GPC6: variants seen among roughly 807,000 people sequenced by gnomAD.
GPC6 encodes glypican-6.
GPC6 carries 14 observed loss-of-function variants against 55.2 expected under a neutral mutation model. The observed-to-expected ratio is 0.25, with a 90% confidence interval of 0.17 to 0.40. The LOEUF (loss-of-function observed/expected upper bound fraction) is 0.40. Among genes scored for constraint, GPC6 ranks in the 10% least tolerant of loss-of-function variants. The pLI is 1.00. For missense variants in GPC6, 641 were observed against 708.5 expected, an observed-to-expected ratio of 0.90 and a Z score of 1.08; for synonymous variants, 278 against 259.6, an observed-to-expected ratio of 1.07 and a Z score of -0.68.
At chr13:93,581,348 T>C (rs144333862) in intron 2 of GPC6, among the ~76,000 whole-genome samples, 21 of 152,212 alleles carry the variant, frequency 1.4e-4, no homozygotes, top group African/African-American at 5.1e-4. Context: ...AAAACACTTC[T>C]GTAAACTTAG....
chr13:93,661,813 G>A (rs1234356496), intron 2 of GPC6, among the ~76,000 whole-genome samples: 2 of 152,104 alleles, frequency 1.3e-5, no homozygotes, highest in East Asian at 3.9e-4. Flanking sequence ...ACTTTATACA[G>A]GCATATAAGA....
At chr13:93,394,886 CA>C in intron 1 of GPC6, 1 of 155,466 alleles carries the variant, frequency 6.4e-6, no homozygotes, top group Non-Finnish European at 1.4e-5. Flanking sequence ...AGCAAGGGCA[CA>C]AAAAAATCTA....
chr13:93,516,583 G>A (rs1566399836), intron 1 of GPC6, among the ~76,000 whole-genome samples: 3 of 152,094 alleles, frequency 2.0e-5, no homozygotes, highest in East Asian at 3.8e-4. Flanking sequence ...TGTAAGTTAA[G>A]TTTTAATGGG....
intron 1 of GPC6, among the ~76,000 whole-genome samples, chr13:93,283,468 G>A (rs1878014665): frequency 6.6e-6 from 1 of 152,194 alleles, no homozygotes. Context: ...ATGAATATCA[G>A]CATTGCTGCA....
intron 1 of GPC6, among the ~76,000 whole-genome samples, chr13:93,240,966 T>C (rs1876407301): frequency 6.6e-6 from 1 of 152,172 alleles, no homozygotes; most frequent in African/African-American, 2.4e-5. Context: ...AAGATAGGAT[T>C]CCAGTCCCCT....
At position 93,870,018 on chromosome 13, in the gene GPC6, A is replaced by G. The variant is rs139646723; in HGVS notation, c.711+39473A>G. The stretch of plus-strand genomic sequence containing the variant: ...AGCCTTACTTGACTTTAGGCAAGTC[A>G]CTTATATGATGTTTCTCAAGATAAA... On this transcript the variant is annotated intron_variant, in intron 3 of 8. Transcript: ENST00000377047. Among the ~76,000 whole-genome samples the G allele has an allele frequency of 3.9e-4, 59 of 151,996 alleles. 1 individual carries two copies. The highest frequency in any genetic ancestry group is 1.3e-3 in the African/African-American group (55 of 41,542).
intron 1 of GPC6, among the ~76,000 whole-genome samples, chr13:93,321,058 C>G (rs1364324286): frequency 1.3e-5 from 2 of 152,092 alleles, no homozygotes; most frequent in Non-Finnish European, 2.9e-5. Flanking sequence ...TCTAGTCTAT[C>G]AAAGTTTCAT....
intron 3 of GPC6, among the ~76,000 whole-genome samples, chr13:93,956,949 A>G (rs558190228): frequency 6.6e-6 from 1 of 152,282 alleles, no homozygotes; most frequent in East Asian, 1.9e-4. Flanking sequence ...TAACTTGAAA[A>G]CTATTGTACA....
At chr13:93,449,165 G>A (rs146707434) in intron 1 of GPC6, among the ~76,000 whole-genome samples, 1 of 152,222 alleles carries the variant, frequency 6.6e-6, no homozygotes, top group Non-Finnish European at 1.5e-5. Flanking sequence ...GCCCATGCAT[G>A]CTGTGATAAA....
chr13:93,757,707 C>T (rs760672943), intron 2 of GPC6, among the ~76,000 whole-genome samples: 1 of 152,112 alleles, frequency 6.6e-6, no homozygotes, highest in Non-Finnish European at 1.5e-5. Flanking sequence ...CTAGACCAGT[C>T]TATGACCAGC....
chr13:93,226,692 T>A (rs913466959), upstream of GPC6: 1 of 152,184 alleles, frequency 6.6e-6, no homozygotes, highest in African/African-American at 2.4e-5. Flanking sequence ...GGTACGTTTC[T>A]TTTTCTTTTT....
intron 8 of GPC6, among the ~76,000 whole-genome samples, chr13:94,402,587 C>T (rs1489246057): frequency 6.6e-6 from 1 of 152,174 alleles, no homozygotes; most frequent in Non-Finnish European, 1.5e-5. Context: ...TGTTTCCACT[C>T]TTTCCTGGTT....
At chr13:93,454,901 T>C (rs969538784) in intron 1 of GPC6, among the ~76,000 whole-genome samples, 4 of 152,202 alleles carry the variant, frequency 2.6e-5, no homozygotes, top group Admixed American at 6.5e-5. Flanking sequence ...GGCTCAGGCA[T>C]GGCGGGCTGC....
chr13:93,558,521 A>G (rs1875596130), intron 2 of GPC6, among the ~76,000 whole-genome samples: 1 of 152,178 alleles, frequency 6.6e-6, no homozygotes, highest in Non-Finnish European at 1.5e-5. Flanking sequence ...GATTGAAGGC[A>G]TGGAGATGGG....
intron 8 of GPC6, among the ~76,000 whole-genome samples, chr13:94,399,723 A>ATGAT (rs1234552718): frequency 1.3e-5 from 2 of 152,256 alleles, no homozygotes; most frequent in Non-Finnish European, 2.9e-5. Context: ...ACTCAAAAAA[A>ATGAT]TGATTTTCTA....
intron 2 of GPC6, among the ~76,000 whole-genome samples, chr13:93,811,336 C>T (rs976863566): frequency 6.6e-6 from 1 of 152,178 alleles, no homozygotes; most frequent in Non-Finnish European, 1.5e-5. Flanking sequence ...ACTAATTTCC[C>T]TCTTTGACAG....
chr13:93,458,183 G>A (rs1400858457), intron 1 of GPC6, among the ~76,000 whole-genome samples: 1 of 152,246 alleles, frequency 6.6e-6, no homozygotes, highest in Admixed American at 6.5e-5. Context: ...TAACACAATA[G>A]GACTGTGATC....
intron 2 of GPC6, among the ~76,000 whole-genome samples, chr13:93,678,148 A>AT (rs750374081): frequency 4.7e-4 from 71 of 151,694 alleles, no homozygotes; most frequent in Admixed American, 7.9e-4. Flanking sequence ...ATTGTTCACC[A>AT]TTTTTTTTCC....
intron 1 of GPC6, among the ~76,000 whole-genome samples, chr13:93,500,311 A>G (rs1402835692): frequency 6.6e-6 from 1 of 152,136 alleles, no homozygotes; most frequent in African/African-American, 2.4e-5. Flanking sequence ...AAACACTTAG[A>G]ATTTTGAAAA....
Sources: gnomAD v4.1 joint callset for allele counts (sites outside exome capture counted in the v4.1 genomes callset) on GRCh38, gnomAD v4.1.1 for gene constraint, MANE v1.5 for transcripts, NCBI Gene and HGNC (gene_info 2026-07-23, HGNC 2026-07-21) for gene names.